Variants in NPC1 observed in about 807,000 individuals in gnomAD.
NPC1 encodes the protein NPC intracellular cholesterol transporter 1, also known as Niemann-Pick C1 protein.
Under a neutral mutation model 140.4 loss-of-function variants are expected in NPC1, and 85 were observed. That is an observed-to-expected ratio of 0.61 (90% CI 0.51 to 0.72). NPC1 has a LOEUF of 0.72. Among genes scored for constraint, NPC1 ranks in the 30% least tolerant of loss-of-function variants. NPC1 has a pLI of 0.00. For missense variants in NPC1, 1,504 were observed against 1,623.8 expected, an observed-to-expected ratio of 0.93 and a Z score of 1.27; for synonymous variants, 656 against 624.8, an observed-to-expected ratio of 1.05 and a Z score of -0.74.
rs1348763169 is a variant in NPC1 at position 23,534,208 on chromosome 18, A to G, written c.3591+238T>C. On this transcript the variant is annotated intron_variant, in intron 23 of 24. Coordinates refer to ENST00000269228, the MANE Select transcript of NPC1 (RefSeq NM_000271.5). ...AAAGACTGCCAGCTGTCTCATGTTT[A>G]ACTTGTCTGTTATTTTCCTGCTTCA... 5 of 599,502 alleles carry G rather than the reference A, an allele frequency of 8.3e-6. No individual in the cohort carries two copies. In the African/African-American group the frequency reaches 9.3e-5, roughly 11 times the overall value. 37.1% of individuals were successfully genotyped at this position (599,502 alleles called of 1,614,324 possible). A position where few individuals can be genotyped will look rare whatever the true frequency, so the allele number is the denominator to read the frequency against.
Position 23,556,171 on chromosome 18 carries a change from G to A in NPC1, c.1326+72C>T, listed in dbSNP as rs74486453. The A allele has an allele frequency of 2.4e-3, 3,116 of 1,316,552 alleles. 116 individuals are homozygous for A. The East Asian group carries it at 0.065, about 27-fold the overall frequency. 81.6% of individuals were successfully genotyped at this position (1,316,552 alleles called of 1,614,324 possible). On this transcript the variant is annotated intron_variant, in intron 8 of 24. Coordinates refer to ENST00000269228, the MANE Select transcript of NPC1 (RefSeq NM_000271.5). ...TTCAGCCCCAAATCCCCATCTAGCA[G>A]TAGTCAACATGTAAAAGCCAGCAAA... is the stretch of plus-strand genomic sequence containing the variant.
rs1222691498 is a variant in NPC1, at chr18:23,551,747, A to G, written c.1554-20T>C. 6.5e-7 allele frequency: 1 copy of G among 1,550,328 alleles called. No individual in the cohort carries two copies. The highest frequency in any genetic ancestry group is 8.9e-7 in the Non-Finnish European group (1 of 1,122,100). Reference sequence around the variant, plus strand: ...GGAGCCCTGCCAAAAAGTTTAGAAAACACCTCCCAGTTAGAAGGGCCTCAA... The same window carrying G: ...GGAGCCCTGCCAAAAAGTTTAGAAAGCACCTCCCAGTTAGAAGGGCCTCAA... On this transcript the variant is annotated intron_variant, in intron 9 of 24. Transcript: ENST00000269228.
downstream of NPC1, chr18:23,528,724 T>C (rs1276386140): frequency 6.5e-6 from 1 of 154,790 alleles, no homozygotes; most frequent in Non-Finnish European, 1.4e-5. Context: ...AATGGCAGTT[T>C]CTGTGCCGTC....
chr18:23,536,268 C>G (rs2058629066), intron 21 of NPC1, among the ~76,000 whole-genome samples: 1 of 152,124 alleles, frequency 6.6e-6, no homozygotes, highest in Non-Finnish European at 1.5e-5. Flanking sequence ...GAAAAAAAAC[C>G]CCTAACAATA....
At chr18:23,517,567 C>T (rs562967473), downstream of NPC1, among the ~76,000 whole-genome samples, 3 of 152,268 alleles carry the variant, frequency 2.0e-5, no homozygotes, top group East Asian at 1.9e-4. Flanking sequence ...GTATCTGATT[C>T]GACAATAGTC....
chr18:23,555,609 A>G (rs534399130), intron 8 of NPC1, among the ~76,000 whole-genome samples: 1 of 152,356 alleles, frequency 6.6e-6, no homozygotes, highest in South Asian at 2.1e-4. Flanking sequence ...CATTCATTAA[A>G]AAAGAAGCCG....
At chr18:23,539,553 C>G (rs954812221) in intron 18 of NPC1, 83 bp from the exon 19 acceptor site, 2 of 998,306 alleles carry the variant, frequency 2.0e-6, no homozygotes, top group Admixed American at 4.4e-5. Context: ...AACCTAACTT[C>G]CTTTTCTACG....
chr18:23,569,789 G>A (rs557599308), intron 3 of NPC1, among the ~76,000 whole-genome samples: 25 of 152,276 alleles, frequency 1.6e-4, no homozygotes, highest in African/African-American at 4.8e-4. Flanking sequence ...TTGTTCTCTG[G>A]CTGCATGCAC....
At chr18:23,513,187 C>G (rs2057909540) in intron 3 of NPC1, among the ~76,000 whole-genome samples, 1 of 152,232 alleles carries the variant, frequency 6.6e-6, no homozygotes, top group Admixed American at 6.5e-5. Context: ...CTCCTGACTT[C>G]AGGTGATCCA....
At position 23,534,287 on chromosome 18, in the gene NPC1, T is replaced by TCCG. The variant is rs1473323093; in HGVS notation, c.3591+156_3591+158dup. On this transcript the variant is annotated intron_variant, in intron 23 of 24. Coordinates refer to ENST00000269228, the MANE Select transcript of NPC1 (RefSeq NM_000271.5). ...CCAACAGGTACAGTTCCACAGAACG[T>TCCG]CCGTTCTGTCCACGATGTGGCAGCT... The TCCG allele has an allele frequency of 5.8e-6, 4 of 694,930 alleles. No homozygotes were observed. The South Asian group carries it at 6.1e-5, about 11-fold the overall frequency. 43.0% of individuals were successfully genotyped at this position (694,930 alleles called of 1,614,324 possible). A position where few individuals can be genotyped will look rare whatever the true frequency, so the allele number is the denominator to read the frequency against.
intron 4 of NPC1, 52 bp from the exon 5 acceptor site, chr18:23,561,579 A>T (rs1157271577): frequency 6.3e-7 from 1 of 1,585,718 alleles, no homozygotes; most frequent in African/African-American, 1.3e-5. Flanking sequence ...GCTGTAATTC[A>T]CGAGGCAAGA....
intron 1 of NPC1, among the ~76,000 whole-genome samples, chr18:23,579,496 A>G (rs904286734): frequency 5.3e-5 from 8 of 152,200 alleles, no homozygotes. Context: ...GTTAGATCAT[A>G]TGGATATTTC....
chr18:23,566,685 C>A (rs73967120), intron 4 of NPC1, among the ~76,000 whole-genome samples: 5,403 of 152,212 alleles, frequency 0.035, 313 homozygotes, highest in African/African-American at 0.12. Flanking sequence ...TAAACACAAT[C>A]CTGAATTTGA....
At chr18:23,532,939 C>G in intron 24 of NPC1, 1 of 985,308 alleles carries the variant, frequency 1.0e-6, no homozygotes, top group Non-Finnish European at 1.2e-6. Context: ...TGAAGAAAGG[C>G]AGCAAGCACT....
chr18:23,529,858 G>A, downstream of NPC1: 1 of 1,049,130 alleles, frequency 9.5e-7, no homozygotes, highest in Non-Finnish European at 1.4e-6. Context: ...TTATTAGTTG[G>A]AATGGGAAGT....
downstream of NPC1, chr18:23,529,455 A>T (rs1253135121): frequency 7.7e-7 from 1 of 1,297,622 alleles, no homozygotes; most frequent in African/African-American, 1.5e-5. Context: ...TTGGCTTCTA[A>T]TGCTGAGGCC....
At chr18:23,527,223 CAAAAAAAAAAA>C (rs386387173), downstream of NPC1, among the ~76,000 whole-genome samples, 1 of 43,670 alleles carries the variant, frequency 2.3e-5, no homozygotes, top group Non-Finnish European at 5.2e-5. Flanking sequence ...CCTGTCTCTA[CAAAAAAAAAAA>C]AAAAAAAAAA....
At chr18:23,547,929 G>T in intron 11 of NPC1, 77 bp downstream of exon 11, 1 of 880,536 alleles carries the variant, frequency 1.1e-6, no homozygotes, top group South Asian at 1.3e-5. Flanking sequence ...TTTAGAAAAT[G>T]AAGTTTAAGT....
At chr18:23,526,681 C>T, downstream of NPC1, 1 of 1,614,138 alleles carries the variant, frequency 6.2e-7, no homozygotes, top group Non-Finnish European at 8.5e-7. Context: ...CATAGTAAAT[C>T]TCTTACCAGA....
Sources: allele counts gnomAD v4.1 joint callset (sites outside exome capture counted in the v4.1 genomes callset), GRCh38; gene constraint gnomAD v4.1.1; transcripts MANE v1.5; gene names NCBI Gene and HGNC (gene_info 2026-07-23, HGNC 2026-07-21).